The following NPRL3 variants were observed in gnomAD, a reference collection of about 807,000 sequenced individuals.
NPRL3 encodes the protein NPR3 like, GATOR1 complex subunit.
A neutral mutation model predicts 57.2 loss-of-function variants in NPRL3; 23 were observed. The observed-to-expected ratio is 0.40, with a 90% CI of 0.29 to 0.57. NPRL3 has a LOEUF of 0.57. Among genes scored for constraint, NPRL3 ranks in the 20% least tolerant of loss-of-function variants. NPRL3 has a pLI of 0.42. For synonymous variants in NPRL3, 333 were observed against 321.1 expected, an observed-to-expected ratio of 1.04 and a Z score of -0.39; for missense variants, 691 against 767.1, an observed-to-expected ratio of 0.90 and a Z score of 1.17.
intron 3 of NPRL3, among the ~76,000 whole-genome samples, chr16:128,699 C>T (rs1490627083): frequency 1.3e-5 from 2 of 152,012 alleles, no homozygotes; most frequent in African/African-American, 4.8e-5. Context: ...ACCCGGGAGG[C>T]GGAGCCTGCA....
At chr16:97,601 C>A (rs1042572905) in intron 9 of NPRL3, among the ~76,000 whole-genome samples, 2 of 152,032 alleles carry the variant, frequency 1.3e-5, no homozygotes, top group Non-Finnish European at 2.9e-5. Flanking sequence ...TCAGAAAGGG[C>A]AGCCCTCTGC....
chr16:92,450 C>G (rs879895551), intron 11 of NPRL3, 146 bp downstream of exon 11: 5 of 1,005,634 alleles, frequency 5.0e-6, no homozygotes, highest in Middle Eastern at 2.9e-4. Context: ...CTGCTGGGCA[C>G]GTAGCACTTG....
intron 3 of NPRL3, among the ~76,000 whole-genome samples, chr16:129,658 A>C (rs955115031): frequency 6.6e-6 from 1 of 152,144 alleles, no homozygotes; most frequent in African/African-American, 2.4e-5. Flanking sequence ...CTCTACAATC[A>C]ATCAATAAAA....
rs1898490037 is a variant in NPRL3, at chr16:86,749, G to A, written c.1666C>T (p.His556Tyr). The A allele has an allele frequency of 6.3e-7, 1 of 1,583,092 alleles. No individual in the cohort carries two copies. Among genetic ancestry groups the A allele is most frequent in the African/African-American group, 1.3e-5 (1 of 74,206 alleles). Residue 556 changes from histidine (H) to tyrosine (Y), a missense_variant, in exon 14 of 14, where the codon CAC becomes TAC. Physicochemically the swap from His to Tyr is moderately conservative, Grantham distance 83. Coordinates refer to ENST00000611875, the MANE Select transcript of NPRL3 (RefSeq NM_001077350.3). ...KFRSVLVVTT[H>Y]EDPVIAVFQA... ...AAGACGGCAATGACAGGGTCCTCGT[G>A]GGTGGTCACCACCAGCACGCTGCGG...
At chr16:105,560 T>G (rs1414909933) in intron 7 of NPRL3, among the ~76,000 whole-genome samples, 1 of 152,148 alleles carries the variant, frequency 6.6e-6, no homozygotes, top group Admixed American at 6.5e-5. Flanking sequence ...TCTCGACAGT[T>G]TGCAGTGCAA....
chr16:106,718 A>G lies in NPRL3; in HGVS notation c.629+3807T>C, dbSNP rs1899548347. On this transcript the variant is annotated intron_variant, in intron 7 of 13. Transcript: ENST00000611875. ...CAATCTCCAACCTCATTAATCTCAC[A>G]GCTTCTGGTCTTTCAGTTCTGTTCT... is the stretch of plus-strand genomic sequence containing the variant. Among the ~76,000 whole-genome samples the G allele has an allele frequency of 2.0e-5, 3 of 150,778 alleles. No individual in the cohort carries two copies. In the South Asian group the frequency reaches 6.3e-4, roughly 31 times the overall value.
At chr16:103,824 CA>C (rs1899415735) in intron 7 of NPRL3, among the ~76,000 whole-genome samples, 2 of 152,202 alleles carry the variant, frequency 1.3e-5, no homozygotes, top group Middle Eastern at 3.4e-3. Context: ...ACTAAAAATA[CA>C]AATATTAGGC....
At chr16:100,328 G>A (rs766860772) in intron 8 of NPRL3, 44 bp downstream of exon 8, 1 of 1,431,830 alleles carries the variant, frequency 7.0e-7, no homozygotes, top group Non-Finnish European at 9.2e-7. Context: ...AAGCTAAAGG[G>A]AAGGGCCCTG....
chr16:101,925 T>C (rs1417281581), intron 7 of NPRL3, among the ~76,000 whole-genome samples: 1 of 152,184 alleles, frequency 6.6e-6, no homozygotes, highest in Non-Finnish European at 1.5e-5. Flanking sequence ...CGCTGCCTAA[T>C]GCTGTCTCCC....
chr16:97,565 A>G (rs1899072448), intron 9 of NPRL3, among the ~76,000 whole-genome samples: 1 of 151,980 alleles, frequency 6.6e-6, no homozygotes, highest in Non-Finnish European at 1.5e-5. Flanking sequence ...AGATCCGCAG[A>G]CGAGGCTGAG....
chr16:98,072 G>C, intron 9 of NPRL3, 73 bp downstream of exon 9: 3 of 1,547,820 alleles, frequency 1.9e-6, no homozygotes, highest in Middle Eastern at 1.9e-4. Context: ...TGGATGTACT[G>C]TGGCAGGCGG....
intron 7 of NPRL3, among the ~76,000 whole-genome samples, chr16:106,512 T>C (rs927610191): frequency 6.6e-6 from 1 of 151,162 alleles, no homozygotes; most frequent in African/African-American, 2.4e-5. Context: ...CGGGTGCCTA[T>C]AGTCCCAGCT....
At chr16:113,288 C>T (rs1324457864) in intron 5 of NPRL3, among the ~76,000 whole-genome samples, 2 of 152,154 alleles carry the variant, frequency 1.3e-5, no homozygotes, top group Admixed American at 6.5e-5. Flanking sequence ...CAGGGATGCA[C>T]GGTACAAAAA....
chr16:112,991 C>T (rs1899882739), intron 5 of NPRL3, among the ~76,000 whole-genome samples: 2 of 152,234 alleles, frequency 1.3e-5, no homozygotes, highest in Admixed American at 1.3e-4. Context: ...TGTCAGCCCC[C>T]ATGCTCTGTT....
At chr16:135,676 T>C (rs1901043936) in intron 2 of NPRL3, among the ~76,000 whole-genome samples, 1 of 151,686 alleles carries the variant, frequency 6.6e-6, no homozygotes, top group African/African-American at 2.4e-5. Flanking sequence ...TTATTGTTGT[T>C]GTTAATAATT....
chr16:89,168 G>A (rs1255505784), intron 12 of NPRL3: 1 of 459,504 alleles, frequency 2.2e-6, no homozygotes, highest in African/African-American at 1.9e-5. Flanking sequence ...AGGTGGGCCT[G>A]GGCATCCTGT....
Position 89,739 on chromosome 16 carries a change from G to A in NPRL3, c.1325C>T (p.Pro442Leu). The A allele has an allele frequency of 6.3e-7, 1 of 1,592,806 alleles. No individual in the cohort carries two copies. The highest frequency in any genetic ancestry group is 8.5e-7 in the Non-Finnish European group (1 of 1,173,060). The change falls in exon 12 of 14, where the codon CCC (proline) becomes CTC (leucine). Residue 442 changes from proline to leucine, a missense_variant. Transcript: ENST00000611875. ...TGGGGAGCCAAAGCTGAGGGCGTTG[G>A]GCGTGCTGAGGCTGCGACCGCCGAC... Reference protein sequence around the residue: ...ARVGGRSLSTPNALSFGSPTS... With the variant: ...ARVGGRSLSTLNALSFGSPTS...
intron 2 of NPRL3, among the ~76,000 whole-genome samples, chr16:130,952 G>C (rs1052090316): frequency 6.6e-6 from 1 of 152,224 alleles, no homozygotes; most frequent in Admixed American, 6.5e-5. Context: ...GAAACAGATA[G>C]CGGTAATGGC....
At chr16:133,476 C>T (rs989886539) in intron 2 of NPRL3, among the ~76,000 whole-genome samples, 7 of 152,062 alleles carry the variant, frequency 4.6e-5, no homozygotes, top group Admixed American at 3.3e-4. Context: ...GTGATCCGCC[C>T]GCCTCGGCTT....
Sources: gnomAD v4.1 joint callset for allele counts (sites outside exome capture counted in the v4.1 genomes callset) on GRCh38, gnomAD v4.1.1 for gene constraint, MANE v1.5 for transcripts, NCBI Gene and HGNC (gene_info 2026-07-23, HGNC 2026-07-21) for gene names.